PCDHGB2: variants seen among roughly 807,000 people sequenced by gnomAD.
PCDHGB2 encodes protocadherin gamma-B2.
In PCDHGB2, 55 loss-of-function variants were observed where a neutral mutation model predicts 59.3. The ratio of observed to expected loss-of-function variants is 0.93; its 90% CI spans 0.75 to 1.16. The LOEUF is 1.16. Ranked by LOEUF, PCDHGB2 falls within the 50% of genes most tolerant of loss-of-function variation. The pLI is 0.00. For missense variants in PCDHGB2, 1,228 were observed against 1,198.5 expected (o/e 1.02, Z -0.36); for synonymous variants, 516 against 512.0 (o/e 1.01, Z -0.11).
chr5:141,497,831 C>T (rs1336808833), intron 2 of PCDHGB2, among the ~76,000 whole-genome samples: 1 of 152,162 alleles, frequency 6.6e-6, no homozygotes, highest in Non-Finnish European at 1.5e-5. Flanking sequence ...TGATCGCCCC[C>T]GGCCACAACA....
chr5:141,422,243 T>C, intron 1 of PCDHGB2: 12 of 1,566,082 alleles, frequency 7.7e-6, no homozygotes, highest in Non-Finnish European at 1.0e-5. Flanking sequence ...ATCACTGTTG[T>C]GGATGTGAAT....
chr5:141,490,993 C>G lies in PCDHGB2; in HGVS notation c.2422-3814C>G, dbSNP rs746618787. 1.9e-6 allele frequency: 3 copies of G among 1,614,140 alleles called. No individual in the cohort carries two copies. Among genetic ancestry groups the G allele is most frequent in the Non-Finnish European group, 2.5e-6 (3 of 1,180,030 alleles). On this transcript the variant is annotated intron_variant, in intron 1 of 3. Coordinates refer to ENST00000522605, the MANE Select transcript of PCDHGB2 (RefSeq NM_018923.3). The surrounding 1 kb of genome is among the most constrained non-coding windows in gnomAD (Gnocchi z 5.4). ...CCAGCGTCTCCCTCGCTCTGCTCCT[C>G]CTGGCTCCTTGGTCACCAAGGTGAC...
chr5:141,362,049 C>G lies in PCDHGB2; in HGVS notation c.1914C>G (p.Ala638=), dbSNP rs1588571121. 3.1e-6 allele frequency: 5 copies of G among 1,611,332 alleles called. No individual in the cohort carries two copies. The highest frequency in any genetic ancestry group is 4.2e-6 in the Non-Finnish European group (5 of 1,179,552). ...TARALGDRDA[A]RQRLLVAVRD... ...GTGCCTTGGGCGACAGGGACGCGGC[C>G]CGCCAGCGCCTGCTGGTCGCTGTGC... is the stretch of plus-strand genomic sequence containing the variant. Residue 638 remains alanine, a synonymous_variant, in exon 1 of 4, where the codon GCC becomes GCG. Coordinates refer to ENST00000522605, the MANE Select transcript of PCDHGB2 (RefSeq NM_018923.3).
chr5:141,414,870 G>A (rs1325555474), intron 1 of PCDHGB2: 1 of 1,614,224 alleles, frequency 6.2e-7, no homozygotes, highest in Non-Finnish European at 8.5e-7. Context: ...ATGCGCCCGA[G>A]ATCCTGTACC....
At chr5:141,372,101 C>G (rs984585015) in intron 1 of PCDHGB2, 15 of 1,613,794 alleles carry the variant, frequency 9.3e-6, no homozygotes, top group Non-Finnish European at 1.3e-5. Flanking sequence ...CTCTGGGGCC[C>G]GAAGGCTCTG....
intron 1 of PCDHGB2, chr5:141,395,542 TTG>T (rs55729045): frequency 0.047 from 8,055 of 172,168 alleles, 192 homozygotes; most frequent in African/African-American, 0.072. Flanking sequence ...TTGCTATTGT[TTG>T]TGTGTGTGTG....
chr5:141,423,720 A>G, intron 1 of PCDHGB2: 1 of 957,774 alleles, frequency 1.0e-6, no homozygotes, highest in East Asian at 6.0e-5. Flanking sequence ...TTTTAAGGAG[A>G]TGTTTTTTGA....
rs1476740920 is a variant in PCDHGB2, at chr5:141,443,326, A to AC, written c.2422-51481_2422-51480insC. Among the ~76,000 whole-genome samples the AC allele has an allele frequency of 3.3e-5, 5 of 151,792 alleles. No homozygotes were observed. The South Asian group carries it at 8.3e-4, about 25-fold the overall frequency. ...CAAAAACCCATCTCTACAAAAAAAA[A>AC]AAACAAAAATTAACAAGGTTTAGTG... On this transcript the variant is annotated intron_variant, in intron 1 of 3. Transcript: ENST00000522605.
At position 141,431,335 on chromosome 5, in the gene PCDHGB2, C is replaced by A. The variant is rs747132346; in HGVS notation, c.2422-63472C>A. On this transcript the variant is annotated intron_variant, in intron 1 of 3. Transcript: ENST00000522605. This position sits in a 1 kb window ranked among gnomAD's most constrained non-coding sequence, Gnocchi z 4.8. ...ATGGAGCCGACGGTAGTAAGTACCCCGAATTGGTGCTGAAACGCGCCCTGG... is the reference window on the plus strand; with the variant it reads ...ATGGAGCCGACGGTAGTAAGTACCCAGAATTGGTGCTGAAACGCGCCCTGG... 11 of 1,613,944 alleles carry A rather than the reference C, an allele frequency of 6.8e-6. No homozygotes were observed. The Admixed American group carries it at 1.5e-4, about 22-fold the overall frequency.
intron 1 of PCDHGB2, among the ~76,000 whole-genome samples, chr5:141,471,778 A>T (rs2099264151): frequency 6.6e-6 from 1 of 152,244 alleles, no homozygotes; most frequent in Non-Finnish European, 1.5e-5. Flanking sequence ...TGAGTTTGAC[A>T]TTATGCTATG....
chr5:141,399,753 G>T (rs1418820057), intron 1 of PCDHGB2: 8 of 1,613,370 alleles, frequency 5.0e-6, no homozygotes, highest in Non-Finnish European at 6.8e-6. Context: ...GCGCAAACGT[G>T]AGCCTGCGCG....
Position 141,477,383 on chromosome 5 carries a change from T to A in PCDHGB2, c.2422-17424T>A. 6.2e-7 allele frequency: 1 copy of A among 1,614,102 alleles called. No homozygotes were observed. Among genetic ancestry groups the A allele is most frequent in the Non-Finnish European group, 8.5e-7 (1 of 1,180,006 alleles). On this transcript the variant is annotated intron_variant, in intron 1 of 3. Transcript: ENST00000522605. This position sits in a 1 kb window ranked among gnomAD's most constrained non-coding sequence, Gnocchi z 4.9. Reference sequence around the variant, plus strand: ...CCTGGATCGGGAGACTGTGCCAGAATACAACCTCAGCATCACCGCCCGAGA... The same window carrying A: ...CCTGGATCGGGAGACTGTGCCAGAAAACAACCTCAGCATCACCGCCCGAGA...
At chr5:141,370,696 C>T in intron 1 of PCDHGB2, 2 of 1,613,694 alleles carry the variant, frequency 1.2e-6, no homozygotes, top group Non-Finnish European at 1.7e-6. Context: ...AAGAAGTCGA[C>T]GTGTGTTCTG....
intron 1 of PCDHGB2, chr5:141,421,202 C>A: frequency 1.3e-6 from 2 of 1,519,344 alleles, no homozygotes; most frequent in Non-Finnish European, 1.8e-6. Flanking sequence ...CTCGAGAAAC[C>A]GCGGAATATC....
chr5:141,494,878 T>A lies in PCDHGB2; in HGVS notation c.2480+13T>A. Reference sequence around the variant, plus strand: ...CCGGCACCAGCGGGTAGGTGACTGATTCTCCAGCCCACCCTCTTCTCTGCG... The same window carrying A: ...CCGGCACCAGCGGGTAGGTGACTGAATCTCCAGCCCACCCTCTTCTCTGCG... On this transcript the variant is annotated intron_variant, in intron 2 of 3. Coordinates refer to ENST00000522605, the MANE Select transcript of PCDHGB2 (RefSeq NM_018923.3). The A allele has an allele frequency of 6.2e-7, 1 of 1,614,072 alleles. No homozygotes were observed. The highest frequency in any genetic ancestry group is 8.5e-7 in the Non-Finnish European group (1 of 1,179,986).
intron 1 of PCDHGB2, chr5:141,366,089 C>A (rs1764317908): frequency 1.9e-6 from 3 of 1,614,268 alleles, no homozygotes; most frequent in Non-Finnish European, 2.5e-6. Flanking sequence ...ACCTGGCTAC[C>A]TGGTGACCAA....
Position 141,481,556 on chromosome 5 carries a change from G to A in PCDHGB2, c.2422-13251G>A, listed in dbSNP as rs553126587. Among the ~76,000 whole-genome samples the A allele has an allele frequency of 1.2e-4, 18 of 152,266 alleles. No homozygotes were observed. The South Asian group carries it at 1.4e-3, about 12-fold the overall frequency. On this transcript the variant is annotated intron_variant, in intron 1 of 3. Coordinates refer to ENST00000522605, the MANE Select transcript of PCDHGB2 (RefSeq NM_018923.3). ...GATGGGGCTGGGCTCAGTGGCTCAC[G>A]CCTGTAATCCCAGTACTTAGGGAGG...
chr5:141,443,733 C>T (rs7723254), intron 1 of PCDHGB2, among the ~76,000 whole-genome samples: 16,856 of 152,062 alleles, frequency 0.11, 1,109 homozygotes, highest in African/African-American at 0.17. Context: ...TCATACATTT[C>T]CCTATCAGTG....
At chr5:141,371,593 A>G in intron 1 of PCDHGB2, 1 of 1,613,972 alleles carries the variant, frequency 6.2e-7, no homozygotes, top group Non-Finnish European at 8.5e-7. Context: ...GATACCAAAA[A>G]CACATACAGG....
Sources: allele counts gnomAD v4.1 joint callset (sites outside exome capture counted in the v4.1 genomes callset), GRCh38; gene constraint gnomAD v4.1.1; non-coding constraint Gnocchi (gnomAD v3.1); transcripts MANE v1.5; gene names NCBI Gene and HGNC (gene_info 2026-07-23, HGNC 2026-07-21).